Variants in NEBL observed in about 807,000 individuals in gnomAD.
NEBL encodes the protein LIM and SH3 protein 2.
NEBL carries 122 observed loss-of-function variants against 140.2 expected under a neutral mutation model. That is an observed-to-expected ratio of 0.87 (90% CI 0.75 to 1.01). The LOEUF (loss-of-function observed/expected upper bound fraction) is 1.01, where lower values mean the gene tolerates loss of function less well. NEBL is among the 50% of genes least tolerant of loss of function. NEBL has a pLI of 0.00. For missense variants in NEBL, 1,365 were observed against 1,231.3 expected (o/e 1.11, Z -1.62); for synonymous variants, 436 against 398.9 (o/e 1.09, Z -1.11).
At chr10:21,233,992 T>C (rs1313644882) in intron 3 of NEBL, among the ~76,000 whole-genome samples, 2 of 140,712 alleles carry the variant, frequency 1.4e-5, no homozygotes, top group Non-Finnish European at 3.0e-5. Context: ...ATAAGTAGTA[T>C]AATTTAGGAG....
chr10:21,171,221 A>G (rs891820139), intron 2 of NEBL, among the ~76,000 whole-genome samples: 4 of 151,706 alleles, frequency 2.6e-5, no homozygotes, highest in African/African-American at 9.7e-5. Context: ...TGTAATCCCA[A>G]CTACTCGGGA....
At chr10:21,047,149 T>G (rs1440136660) in intron 2 of NEBL, among the ~76,000 whole-genome samples, 1 of 152,208 alleles carries the variant, frequency 6.6e-6, no homozygotes, top group Non-Finnish European at 1.5e-5. Flanking sequence ...ACATTTAAAC[T>G]ATGGGAGAAA....
chr10:21,210,760 A>G (rs960671844), intron 3 of NEBL, among the ~76,000 whole-genome samples: 1 of 152,238 alleles, frequency 6.6e-6, no homozygotes, highest in African/African-American at 2.4e-5. Flanking sequence ...TGAGACTCAC[A>G]GAGAGGAGGA....
chr10:20,881,324 G>T (rs1329798823), intron 4 of NEBL, among the ~76,000 whole-genome samples: 2 of 152,180 alleles, frequency 1.3e-5, no homozygotes, highest in Admixed American at 1.3e-4. Flanking sequence ...TGTAGGCACA[G>T]CTATAAGATA....
At chr10:20,832,180 G>T (rs1324281406) in intron 14 of NEBL, among the ~76,000 whole-genome samples, 1 of 152,154 alleles carries the variant, frequency 6.6e-6, no homozygotes, top group Non-Finnish European at 1.5e-5. Flanking sequence ...CCAGAAACTG[G>T]CCCAAGTCTC....
intron 3 of NEBL, among the ~76,000 whole-genome samples, chr10:20,975,078 G>A (rs1009121364): frequency 6.6e-6 from 1 of 152,032 alleles, no homozygotes; most frequent in Non-Finnish European, 1.5e-5. Context: ...ACACACTAAC[G>A]GGCTCCAAGC....
chr10:21,222,376 T>C (rs1204275107), intron 3 of NEBL, among the ~76,000 whole-genome samples: 1 of 152,170 alleles, frequency 6.6e-6, no homozygotes, highest in Non-Finnish European at 1.5e-5. Context: ...TTAAATTACG[T>C]ATTTTGCTTT....
At chr10:20,864,428 TAAG>T (rs571704071) in intron 7 of NEBL, among the ~76,000 whole-genome samples, 205 of 152,284 alleles carry the variant, frequency 1.3e-3, no homozygotes, top group African/African-American at 2.9e-3. Context: ...GAAGTTAATA[TAAG>T]AAGGGTTTGG....
intron 21 of NEBL, among the ~76,000 whole-genome samples, chr10:20,816,299 T>C (rs1838714765): frequency 6.6e-6 from 1 of 152,206 alleles, no homozygotes; most frequent in Non-Finnish European, 1.5e-5. Flanking sequence ...AGAATAAATG[T>C]CTTCATGGAG....
chr10:21,098,348 C>A (rs1218582793), intron 2 of NEBL, among the ~76,000 whole-genome samples: 1 of 152,182 alleles, frequency 6.6e-6, no homozygotes, highest in Admixed American at 6.5e-5. Context: ...ATGACTCTTT[C>A]CTCTTTGCAG....
chr10:21,249,460 G>A (rs1471136439), intron 2 of NEBL, among the ~76,000 whole-genome samples: 1 of 151,954 alleles, frequency 6.6e-6, no homozygotes, highest in Non-Finnish European at 1.5e-5. Context: ...ACCCAATCCA[G>A]TGTCATGAAG....
chr10:21,199,822 T>A (rs1841705664), intron 3 of NEBL, among the ~76,000 whole-genome samples: 1 of 152,228 alleles, frequency 6.6e-6, no homozygotes, highest in African/African-American at 2.4e-5. Flanking sequence ...TTTTGACAAC[T>A]GGCTGGAGGT....
At chr10:21,011,664 GTGGCATCTGTTGGCATCTGT>G (rs56080635) in intron 3 of NEBL, among the ~76,000 whole-genome samples, 1 of 146,878 alleles carries the variant, frequency 6.8e-6, no homozygotes, top group East Asian at 2.0e-4. Context: ...GTTGGCATCT[GTGGCATCTGTTGGCATCTGT>G]TGGCATCTGT....
chr10:21,062,361 G>A (rs542431230), intron 2 of NEBL, among the ~76,000 whole-genome samples: 63 of 152,112 alleles, frequency 4.1e-4, no homozygotes, highest in African/African-American at 1.4e-3. Flanking sequence ...TAGGGGTGCT[G>A]TTAGAGAACT....
chr10:20,905,228 A>G (rs2131443932), intron 4 of NEBL, among the ~76,000 whole-genome samples: 1 of 152,346 alleles, frequency 6.6e-6, no homozygotes, highest in East Asian at 1.9e-4. Context: ...AAAAGGGAAT[A>G]GGAGATTTAT....
chr10:20,809,976 C>CA (rs1346393101), intron 24 of NEBL, 78 bp from the exon 25 acceptor site: 4 of 1,007,510 alleles, frequency 4.0e-6, no homozygotes, highest in Non-Finnish European at 3.0e-6. Flanking sequence ...AGCCAGTACC[C>CA]AAAAGAGTCA....
chr10:20,954,829 C>T (rs914275130), intron 4 of NEBL, among the ~76,000 whole-genome samples: 2 of 152,156 alleles, frequency 1.3e-5, no homozygotes, highest in African/African-American at 4.8e-5. Flanking sequence ...TCAATGGTAG[C>T]CTCTGAGCCA....
intron 3 of NEBL, among the ~76,000 whole-genome samples, chr10:21,202,351 T>C (rs188827149): frequency 4.3e-4 from 66 of 152,268 alleles, no homozygotes; most frequent in African/African-American, 1.5e-3. Context: ...TTACATTCTC[T>C]GTGCCCACTT....
intron 2 of NEBL, among the ~76,000 whole-genome samples, chr10:21,165,753 C>T (rs1161489783): frequency 1.3e-5 from 2 of 152,088 alleles, no homozygotes; most frequent in African/African-American, 4.8e-5. Context: ...GAGCTGAGAC[C>T]TATGTGGTGA....
Sources: gnomAD v4.1 joint callset for allele counts (sites outside exome capture counted in the v4.1 genomes callset) on GRCh38, gnomAD v4.1.1 for gene constraint, MANE v1.5 for transcripts, NCBI Gene and HGNC (gene_info 2026-07-23, HGNC 2026-07-21) for gene names.